Variants in POU2AF1 observed in about 807,000 individuals in gnomAD.
The protein encoded by POU2AF1 is POU domain class 2-associating factor 1.
Under a neutral mutation model 26.3 loss-of-function variants are expected in POU2AF1, and 12 were observed. That is an observed-to-expected ratio of 0.46 (90% confidence interval 0.29 to 0.74). The LOEUF (loss-of-function observed/expected upper bound fraction) is 0.74, where lower values mean the gene tolerates loss of function less well. Among genes scored for constraint, POU2AF1 ranks in the 30% least tolerant of loss-of-function variants. The pLI is 0.09. For missense variants in POU2AF1, 297 were observed against 334.5 expected (o/e 0.89, Z 0.87); for synonymous variants, 175 against 148.0 (o/e 1.18, Z -1.32).
At chr11:111,372,363 A>C (rs1323351808) in intron 1 of POU2AF1, among the ~76,000 whole-genome samples, 2 of 152,076 alleles carry the variant, frequency 1.3e-5, no homozygotes, top group African/African-American at 2.4e-5. Context: ...AGCTGAAGTA[A>C]ATGTTAAACA....
At chr11:111,369,376 G>C (rs1861165582) in intron 1 of POU2AF1, among the ~76,000 whole-genome samples, 1 of 152,232 alleles carries the variant, frequency 6.6e-6, no homozygotes, top group Admixed American at 6.5e-5. Flanking sequence ...TTAGGTTGCA[G>C]ACAGAGTATG....
intron 1 of POU2AF1, among the ~76,000 whole-genome samples, chr11:111,360,441 T>C (rs1860984204): frequency 6.6e-6 from 1 of 152,208 alleles, no homozygotes; most frequent in Non-Finnish European, 1.5e-5. Flanking sequence ...GAGCAAGGCC[T>C]GGCCTTGAAG....
intron 1 of POU2AF1, among the ~76,000 whole-genome samples, chr11:111,359,735 C>G (rs1591194281): frequency 6.6e-6 from 1 of 152,324 alleles, no homozygotes; most frequent in African/African-American, 2.4e-5. Flanking sequence ...GTGTCTTATA[C>G]CCACAACTAG....
chr11:111,368,911 G>A (rs981233569), intron 1 of POU2AF1, among the ~76,000 whole-genome samples: 5 of 152,332 alleles, frequency 3.3e-5, no homozygotes, highest in Admixed American at 3.3e-4. Context: ...CTTGATCTCA[G>A]CCAACAATCC....
At chr11:111,372,488 A>C (rs948732041) in intron 1 of POU2AF1, among the ~76,000 whole-genome samples, 1 of 152,186 alleles carries the variant, frequency 6.6e-6, no homozygotes, top group African/African-American at 2.4e-5. Flanking sequence ...GCAATGTGAG[A>C]GAGACAGGCA....
Position 111,353,983 on chromosome 11 carries a change from A to AAGGGAAGG in POU2AF1, c.*270_*277dup. On this transcript the variant is annotated 3_prime_UTR_variant, in exon 5 of 5. Transcript: ENST00000393067. ...AGGAAGGAAGGGGTTGGAAAGGGAG[A>AAGGGAAGG]AGGGAAGGAGGGAAGGAAGGGAGGG... The AAGGGAAGG allele has an allele frequency of 2.8e-6, 1 of 356,040 alleles. No homozygotes were observed. The highest frequency in any genetic ancestry group is 3.8e-5 in the South Asian group (1 of 26,250). 22.1% of individuals were successfully genotyped at this position (356,040 alleles called of 1,614,324 possible). A position where few individuals can be genotyped will look rare whatever the true frequency, so the allele number is the denominator to read the frequency against.
rs77849238 is a variant in POU2AF1 at position 111,375,161 on chromosome 11, A to G, written c.16+4001T>C. 1.6e-4 allele frequency among the ~76,000 whole-genome samples: 24 copies of G among 152,328 alleles called. No homozygotes were observed. The East Asian group carries it at 4.6e-3, about 29-fold the overall frequency. On this transcript the variant is annotated intron_variant, in intron 1 of 4. Transcript: ENST00000393067. The stretch of plus-strand genomic sequence containing the variant: ...AGAAAATCAGTCAAGCCTGCCTTTC[A>G]TTAGCATGTAGATTGTTCCCTAATA...
In POU2AF1 at chr11:111,357,319, C is replaced by T. The variant is rs895339533; in HGVS notation, c.456+126G>A. On this transcript the variant is annotated intron_variant, in intron 4 of 4. Transcript: ENST00000393067. ...GAGCAGGCCTCCATGGAGACCAAGGCGAGCTCTGATGACCTGATTATCTTG... is the reference window on the plus strand; with the variant it reads ...GAGCAGGCCTCCATGGAGACCAAGGTGAGCTCTGATGACCTGATTATCTTG... 4.9e-5 allele frequency: 67 copies of T among 1,366,434 alleles called. 1 individual carries two copies. The South Asian group carries it at 5.4e-4, about 11-fold the overall frequency. 84.6% of individuals were successfully genotyped at this position (1,366,434 alleles called of 1,614,324 possible). A position where few individuals can be genotyped will look rare whatever the true frequency, so the allele number is the denominator to read the frequency against.
intron 1 of POU2AF1, among the ~76,000 whole-genome samples, chr11:111,366,626 T>C (rs1338419722): frequency 1.3e-5 from 2 of 152,112 alleles, no homozygotes; most frequent in East Asian, 3.9e-4. Context: ...AAGATCTCAC[T>C]CATCAACCAT....
rs926454254 is a variant in POU2AF1 at position 111,353,010 on chromosome 11, G to T, written c.*1251C>A. 13 of 152,784 alleles carry T rather than the reference G, an allele frequency of 8.5e-5. No individual in the cohort carries two copies. Among genetic ancestry groups the T allele is most frequent in the Non-Finnish European group, 1.8e-4 (13 of 74,096 alleles). The allele number at this position is 152,784 out of a possible 1,614,324, so 9.5% of individuals were successfully genotyped here. On this transcript the variant is annotated 3_prime_UTR_variant, in exon 5 of 5. Transcript: ENST00000393067. ...GGAAGGAAAGAAGGAAGGAAGGAAG[G>T]AAGGAAGGAAGGAAGGAAGGAAGGA...
At chr11:111,363,135 C>T in intron 1 of POU2AF1, 14 of 1,011,122 alleles carry the variant, frequency 1.4e-5, no homozygotes, top group Non-Finnish European at 1.7e-5. Flanking sequence ...ACAGGTGTGC[C>T]CTGGCACAAC....
chr11:111,358,459 C>T (rs1364938041), intron 2 of POU2AF1, among the ~76,000 whole-genome samples: 4 of 150,896 alleles, frequency 2.7e-5, no homozygotes, highest in African/African-American at 7.3e-5. Flanking sequence ...CACACACTCT[C>T]TCACACACAT....
At chr11:111,365,612 C>A (rs765095811) in intron 1 of POU2AF1, among the ~76,000 whole-genome samples, 4 of 152,212 alleles carry the variant, frequency 2.6e-5, no homozygotes, top group South Asian at 2.1e-4. Context: ...CTATGGCCAA[C>A]AAACTTGCCC....
At chr11:111,366,605 C>T (rs1861109540) in intron 1 of POU2AF1, among the ~76,000 whole-genome samples, 2 of 152,128 alleles carry the variant, frequency 1.3e-5, no homozygotes, top group South Asian at 2.1e-4. Context: ...TATTCCTTCC[C>T]ATCAGCCCTG....
intron 4 of POU2AF1, among the ~76,000 whole-genome samples, chr11:111,354,874 G>A (rs1367343074): frequency 6.6e-6 from 1 of 152,158 alleles, no homozygotes; most frequent in Non-Finnish European, 1.5e-5. Context: ...GAACTCATTG[G>A]GTTAGGCCAA....
intron 1 of POU2AF1, chr11:111,363,413 A>G (rs1164423898): frequency 9.8e-7 from 1 of 1,015,740 alleles, no homozygotes; most frequent in Non-Finnish European, 1.2e-6. Context: ...TGAAACTTGC[A>G]GTTGGTACCT....
chr11:111,365,464 A>T (rs1164441665), intron 1 of POU2AF1, among the ~76,000 whole-genome samples: 1 of 152,172 alleles, frequency 6.6e-6, no homozygotes, highest in African/African-American at 2.4e-5. Context: ...GTTAATAGTG[A>T]CACACTGTTG....
intron 2 of POU2AF1, among the ~76,000 whole-genome samples, 192 bp downstream of exon 2, chr11:111,358,596 A>ACAC (rs1860930206): frequency 1.0e-5 from 1 of 100,278 alleles, no homozygotes; most frequent in Non-Finnish European, 2.6e-5. Flanking sequence ...TCACACACAC[A>ACAC]TACACTCTCA....
At chr11:111,359,915 A>T (rs1471598211) in intron 1 of POU2AF1, 3 of 518,648 alleles carry the variant, frequency 5.8e-6, no homozygotes, top group African/African-American at 1.9e-5. Context: ...TTTAGGATTG[A>T]GGCAAGTGGC....
Sources: gnomAD v4.1 joint callset for allele counts (sites outside exome capture counted in the v4.1 genomes callset) on GRCh38, gnomAD v4.1.1 for gene constraint, MANE v1.5 for transcripts, NCBI Gene and HGNC (gene_info 2026-07-23, HGNC 2026-07-21) for gene names.